TMEM154: variants seen among roughly 807,000 people sequenced by gnomAD.
The protein encoded by TMEM154 is transmembrane protein 154.
In TMEM154, 27 loss-of-function variants were observed where a neutral mutation model predicts 24.5. The observed-to-expected ratio is 1.10, with a 90% CI of 0.81 to 1.52. The LOEUF (loss-of-function observed/expected upper bound fraction) is 1.52, where lower values mean the gene tolerates loss of function less well. Ranked by LOEUF, TMEM154 falls within the 40% of genes most tolerant of loss-of-function variation. The probability of loss-of-function intolerance (pLI) is 0.00; values close to 1 mark genes in which losing one functional copy is unlikely to be tolerated. For synonymous variants in TMEM154, 67 were observed against 76.8 expected (o/e 0.87, Z 0.67); for missense variants, 228 against 213.4 (o/e 1.07, Z -0.43).
rs1036979356 is a variant in TMEM154 at position 152,625,073 on chromosome 4, T to G, written c.*3473A>C. The G allele has an allele frequency of 6.6e-6, 1 of 151,336 alleles. No homozygotes were observed. The highest frequency in any genetic ancestry group is 2.4e-5 in the African/African-American group (1 of 41,392). The allele number at this position is 151,336 out of a possible 1,614,324, so 9.4% of individuals were successfully genotyped here. On this transcript the variant is annotated 3_prime_UTR_variant, in exon 7 of 7. Transcript: ENST00000304385. Reference sequence around the variant, plus strand: ...CAGAAGCTGAAACTAAAGCCTATGTTTTCTTTAGTCAACATAAGGCCTTTT... The same window carrying G: ...CAGAAGCTGAAACTAAAGCCTATGTGTTCTTTAGTCAACATAAGGCCTTTT...
intron 5 of TMEM154, 122 bp from the exon 6 acceptor site, chr4:152,641,107 T>G: frequency 1.2e-6 from 1 of 804,488 alleles, no homozygotes; most frequent in Non-Finnish European, 1.9e-6. Context: ...AAAAATGGCC[T>G]CACCAAGGAG....
intron 1 of TMEM154, among the ~76,000 whole-genome samples, chr4:152,659,024 G>C: frequency 6.6e-6 from 1 of 151,976 alleles, no homozygotes; most frequent in East Asian, 1.9e-4. Context: ...TTTATCCAAA[G>C]GAAAATAAAT....
intron 1 of TMEM154, among the ~76,000 whole-genome samples, chr4:152,663,292 C>T (rs1467134466): frequency 6.6e-6 from 1 of 152,158 alleles, no homozygotes; most frequent in Non-Finnish European, 1.5e-5. Flanking sequence ...TACTTTACTT[C>T]CTTATCTAAA....
In TMEM154 at chr4:152,622,863, A is replaced by ATCT. The variant is rs1258765625; in HGVS notation, c.*5680_*5682dup. 1.3e-5 allele frequency: 2 copies of ATCT among 152,248 alleles called. No homozygotes were observed. Among genetic ancestry groups the ATCT allele is most frequent in the South Asian group, 2.1e-4 (1 of 4,812 alleles). The allele number at this position is 152,248 out of a possible 1,614,324, so 9.4% of individuals were successfully genotyped here. A position where few individuals can be genotyped will look rare whatever the true frequency, so the allele number is the denominator to read the frequency against. On this transcript the variant is annotated 3_prime_UTR_variant, in exon 7 of 7. Transcript: ENST00000304385. ...TTCTTTTTCTTTTCTTTGAGACAGAATCTTGCTCTGTCACCCAGGATGCAG... is the reference window on the plus strand; with the variant it reads ...TTCTTTTTCTTTTCTTTGAGACAGAATCTTCTTGCTCTGTCACCCAGGATGCAG...
chr4:152,639,669 G>A (rs536762186), intron 6 of TMEM154: 45 of 152,488 alleles, frequency 3.0e-4, no homozygotes, highest in African/African-American at 9.6e-4. Context: ...CTGGAATGCA[G>A]TGGTACAATC....
rs76341797 is a variant in TMEM154 at position 152,655,765 on chromosome 4, G to A, written c.65-2838C>T. On this transcript the variant is annotated intron_variant, in intron 1 of 6. Coordinates refer to ENST00000304385, the MANE Select transcript of TMEM154 (RefSeq NM_152680.3). The stretch of plus-strand genomic sequence containing the variant: ...GAGCAAAGCATAGCCCCAGCTGGCT[G>A]CCTATGGTTGCTCCCACTGAAAGCA... Among the ~76,000 whole-genome samples the A allele has an allele frequency of 9.2e-3, 1,408 of 152,312 alleles. 21 individuals carry two copies. The highest frequency in any genetic ancestry group is 0.031 in the African/African-American group (1,278 of 41,572).
At chr4:152,654,126 C>T (rs967268631) in intron 1 of TMEM154, among the ~76,000 whole-genome samples, 1 of 152,066 alleles carries the variant, frequency 6.6e-6, no homozygotes, top group Admixed American at 6.5e-5. Context: ...ATCTGAAAAA[C>T]TTTTCCTTAC....
intron 6 of TMEM154, among the ~76,000 whole-genome samples, chr4:152,630,245 G>A (rs534906364): frequency 4.7e-5 from 7 of 150,156 alleles, no homozygotes; most frequent in African/African-American, 1.2e-4. Context: ...CCTACCGTTC[G>A]AGGCTGTAGT....
At chr4:152,634,850 T>C (rs1251420954) in intron 6 of TMEM154, among the ~76,000 whole-genome samples, 1 of 152,190 alleles carries the variant, frequency 6.6e-6, no homozygotes, top group East Asian at 1.9e-4. Flanking sequence ...TTTTTGACTT[T>C]ACAATGGAGC....
rs1751954489 is a variant in TMEM154 at position 152,628,365 on chromosome 4, C to T, written c.*181G>A. ...TCCTAGTACTTCTCAATTGCACATT[C>T]TTCCAAGTGCAAGTGATGCCATCAT... is the stretch of plus-strand genomic sequence containing the variant. On this transcript the variant is annotated 3_prime_UTR_variant, in exon 7 of 7. Coordinates refer to ENST00000304385, the MANE Select transcript of TMEM154 (RefSeq NM_152680.3). 2 of 1,048,318 alleles carry T rather than the reference C, an allele frequency of 1.9e-6. No homozygotes were observed. Among genetic ancestry groups the T allele is most frequent in the Admixed American group, 2.1e-5 (1 of 47,306 alleles). 64.9% of individuals were successfully genotyped at this position (1,048,318 alleles called of 1,614,324 possible). A position where few individuals can be genotyped will look rare whatever the true frequency, so the allele number is the denominator to read the frequency against.
rs751406780 is a variant in TMEM154 at position 152,640,956 on chromosome 4, C to T, written c.508G>A (p.Glu170Lys). ...GGGTTGTGATTTGATTCCTTCTCTT[C>T]CTTCAAGGTAGGTAAACATTCAAAG... The part of the protein sequence containing the change: ...ADFECLPTLK[E>K]EKESNHNPSD... Residue 170 changes from glutamate (E) to lysine (K), a missense_variant, in exon 6 of 7, where the codon GAA (glutamate) becomes AAA (lysine). Physicochemically the swap from Glu to Lys is moderately conservative, Grantham distance 56. Transcript: ENST00000304385. 8.5e-6 allele frequency: 13 copies of T among 1,536,408 alleles called. No homozygotes were observed. The highest frequency in any genetic ancestry group is 1.1e-5 in the Non-Finnish European group (13 of 1,132,592).
chr4:152,643,730 G>A (rs540092416), intron 4 of TMEM154, among the ~76,000 whole-genome samples: 5 of 152,218 alleles, frequency 3.3e-5, no homozygotes, highest in African/African-American at 7.2e-5. Flanking sequence ...GACAGAGTCC[G>A]TGGTTAGTGG....
intron 1 of TMEM154, among the ~76,000 whole-genome samples, chr4:152,655,028 T>C (rs1303366648): frequency 2.6e-5 from 4 of 151,762 alleles, no homozygotes; most frequent in Non-Finnish European, 5.9e-5. Context: ...AAAGGCAGGA[T>C]TGAAAAAAAA....
intron 5 of TMEM154, among the ~76,000 whole-genome samples, chr4:152,641,889 T>C (rs1485548294): frequency 1.4e-5 from 2 of 143,258 alleles, no homozygotes; most frequent in African/African-American, 5.1e-5. Flanking sequence ...GATAAGCCTC[T>C]GGTAGCAATA....
chr4:152,661,225 T>C (rs1305920539), intron 1 of TMEM154, among the ~76,000 whole-genome samples: 1 of 149,864 alleles, frequency 6.7e-6, no homozygotes, highest in Admixed American at 6.7e-5. Flanking sequence ...AAGCATCATT[T>C]GCTCTCTCAG....
chr4:152,638,952 C>CT (rs796474915), intron 6 of TMEM154, among the ~76,000 whole-genome samples: 249 of 148,036 alleles, frequency 1.7e-3, no homozygotes, highest in African/African-American at 5.4e-3. Context: ...AAAAATCTGA[C>CT]TTTTTTTTTT....
chr4:152,637,754 C>T (rs1223987089), intron 6 of TMEM154, among the ~76,000 whole-genome samples: 1 of 152,150 alleles, frequency 6.6e-6, no homozygotes, highest in Non-Finnish European at 1.5e-5. Flanking sequence ...AGTCCAATGA[C>T]CCACAAATGC....
At chr4:152,664,829 G>A (rs1323143190) in intron 1 of TMEM154, among the ~76,000 whole-genome samples, 2 of 152,194 alleles carry the variant, frequency 1.3e-5, no homozygotes, top group East Asian at 3.8e-4. Flanking sequence ...CAGATGTCAA[G>A]CCCTCAAACT....
intron 6 of TMEM154, among the ~76,000 whole-genome samples, chr4:152,634,031 CAAAAAAAAAAAAAAAAA>C (rs1167923301): frequency 4.9e-5 from 1 of 20,412 alleles, no homozygotes; most frequent in Admixed American, 6.2e-4. Context: ...GACCCCATCT[CAAAAAAAAAAAAAAAAA>C]AAAAAAAAAG....
Sources: gnomAD v4.1 joint callset for allele counts (sites outside exome capture counted in the v4.1 genomes callset) on GRCh38, gnomAD v4.1.1 for gene constraint, MANE v1.5 for transcripts, NCBI Gene and HGNC (gene_info 2026-07-23, HGNC 2026-07-21) for gene names.